The following NOS1AP variants were observed in gnomAD, a reference collection of about 807,000 sequenced individuals.
NOS1AP encodes carboxyl-terminal PDZ ligand of neuronal nitric oxide synthase protein.
In NOS1AP, 21 loss-of-function variants were observed where a neutral mutation model predicts 56.2. The observed-to-expected ratio is 0.37, with a 90% CI of 0.26 to 0.54. The LOEUF is 0.54. Among genes scored for constraint, NOS1AP ranks in the 20% least tolerant of loss-of-function variants. The pLI is 0.84. For synonymous variants in NOS1AP, 270 were observed against 274.6 expected (o/e 0.98, Z 0.17); for missense variants, 522 against 657.8 (o/e 0.79, Z 2.26).
chr1:162,242,840 G>A (rs1557845861), intron 2 of NOS1AP, among the ~76,000 whole-genome samples: 2 of 152,124 alleles, frequency 1.3e-5, no homozygotes, highest in South Asian at 2.1e-4. Flanking sequence ...AAAACCTTCA[G>A]CTATCTCCTA....
rs778383324 is a variant in NOS1AP at position 162,261,511 on chromosome 1, A to AAGAGAAGAGAAGAGAG, written c.178-25833_178-25832insAGAGAAGAGAAGAGAG. On this transcript the variant is annotated intron_variant, in intron 2 of 9. Coordinates refer to ENST00000361897, the MANE Select transcript of NOS1AP (RefSeq NM_014697.3). ...GAGAGAGAGAGAGAGAGAGAGAGAG[A>AAGAGAAGAGAAGAGAG]GAGAGAGAGAGAGAGAGAGAGAGAG... Among the ~76,000 whole-genome samples, 139 of 21,308 alleles carry AAGAGAAGAGAAGAGAG rather than the reference A, an allele frequency of 6.5e-3. 42 individuals carry two copies. Among genetic ancestry groups the AAGAGAAGAGAAGAGAG allele is most frequent in the African/African-American group, 0.019 (135 of 7,090 alleles). The allele number at this position is 21,308 out of a possible 152,430, so 14.0% of individuals were successfully genotyped here. A position where few individuals can be genotyped will look rare whatever the true frequency, so the allele number is the denominator to read the frequency against.
chr1:162,289,777 T>C (rs1655228647), intron 3 of NOS1AP, among the ~76,000 whole-genome samples: 1 of 152,140 alleles, frequency 6.6e-6, no homozygotes, highest in African/African-American at 2.4e-5. Context: ...ACCCAGCCTG[T>C]TGACTTTCGA....
At position 162,370,214 on chromosome 1, in the gene NOS1AP, A is replaced by G. The variant is rs764396815; in HGVS notation, c.*2747A>G. On this transcript the variant is annotated 3_prime_UTR_variant, in exon 10 of 10. Transcript: ENST00000361897. Reference sequence around the variant, plus strand: ...ATTCCTTATATTCCTGCTTATATCAATGCTCTCTCTGTAAAACCTCTTCCT... The same window carrying G: ...ATTCCTTATATTCCTGCTTATATCAGTGCTCTCTCTGTAAAACCTCTTCCT... 8 of 152,158 alleles carry G rather than the reference A, an allele frequency of 5.3e-5. No homozygotes were observed. The highest frequency in any genetic ancestry group is 1.2e-4 in the African/African-American group (5 of 41,414). The allele number at this position is 152,158 out of a possible 1,614,324, so 9.4% of individuals were successfully genotyped here.
chr1:162,184,440 G>A (rs558830789), intron 2 of NOS1AP, among the ~76,000 whole-genome samples: 4 of 152,226 alleles, frequency 2.6e-5, no homozygotes, highest in South Asian at 2.1e-4. Context: ...CAGGGTTGCC[G>A]CAAACCTTTA....
chr1:162,269,829 C>G (rs566142654), intron 2 of NOS1AP, among the ~76,000 whole-genome samples: 1 of 150,410 alleles, frequency 6.6e-6, no homozygotes, highest in South Asian at 2.1e-4. Flanking sequence ...CACTCAGTAG[C>G]CTGATTTCCT....
intron 1 of NOS1AP, among the ~76,000 whole-genome samples, chr1:162,086,493 C>T (rs1429955464): frequency 6.6e-6 from 1 of 152,140 alleles, no homozygotes; most frequent in Non-Finnish European, 1.5e-5. Context: ...CTGTATCTGA[C>T]TTGCTTTTGA....
chr1:162,143,196 CTGG>C (rs1649310558), intron 1 of NOS1AP, among the ~76,000 whole-genome samples: 1 of 152,132 alleles, frequency 6.6e-6, no homozygotes, highest in African/African-American at 2.4e-5. Flanking sequence ...TCTCTGTGGT[CTGG>C]TCACTGGTAA....
At chr1:162,335,568 G>A (rs952404171) in intron 5 of NOS1AP, among the ~76,000 whole-genome samples, 1 of 152,176 alleles carries the variant, frequency 6.6e-6, no homozygotes, top group African/African-American at 2.4e-5. Context: ...CAGAAGTGGT[G>A]GGCGGGGGGA....
intron 2 of NOS1AP, among the ~76,000 whole-genome samples, chr1:162,163,683 G>C (rs1189402973): frequency 2.0e-5 from 3 of 152,040 alleles, no homozygotes; most frequent in Non-Finnish European, 4.4e-5. Flanking sequence ...CACCATTCCT[G>C]GGGGGCAGGA....
chr1:162,164,427 C>T (rs112854795), intron 2 of NOS1AP, among the ~76,000 whole-genome samples: 118 of 152,302 alleles, frequency 7.7e-4, no homozygotes, highest in African/African-American at 2.6e-3. Context: ...ACATTAAATA[C>T]ATTCACAATA....
At chr1:162,252,632 T>C (rs912097791) in intron 2 of NOS1AP, among the ~76,000 whole-genome samples, 1 of 152,148 alleles carries the variant, frequency 6.6e-6, no homozygotes, top group Non-Finnish European at 1.5e-5. Context: ...TTACCTGCCA[T>C]CTTGTGAACT....
At chr1:162,324,354 A>AGT (rs1433827031) in intron 4 of NOS1AP, among the ~76,000 whole-genome samples, 2 of 148,228 alleles carry the variant, frequency 1.3e-5, no homozygotes, top group African/African-American at 5.0e-5. Flanking sequence ...TGTTGGAGAG[A>AGT]AATTAAAGTC....
chr1:162,157,962 C>T (rs1221710973), intron 2 of NOS1AP, among the ~76,000 whole-genome samples: 3 of 152,098 alleles, frequency 2.0e-5, no homozygotes, highest in Admixed American at 2.0e-4. Context: ...CTGTCTTGAG[C>T]GTATTTTGCT....
At chr1:162,094,434 A>T (rs972664457) in intron 1 of NOS1AP, among the ~76,000 whole-genome samples, 1 of 152,058 alleles carries the variant, frequency 6.6e-6, no homozygotes, top group East Asian at 1.9e-4. Flanking sequence ...TGCTTGATTT[A>T]TTCTTCCCCT....
At chr1:162,333,241 A>G in intron 5 of NOS1AP, 116 bp downstream of exon 5, 3 of 729,596 alleles carry the variant, frequency 4.1e-6, no homozygotes, top group Non-Finnish European at 7.4e-6. Context: ...TGGGGCAACT[A>G]TCTCAGTCGT....
intron 3 of NOS1AP, among the ~76,000 whole-genome samples, chr1:162,294,172 GTA>G: frequency 7.5e-6 from 1 of 133,936 alleles, no homozygotes; most frequent in South Asian, 2.8e-4. Flanking sequence ...AGGAAGGCAG[GTA>G]GGAAGGAAGG....
At chr1:162,161,533 C>T (rs936844709) in intron 2 of NOS1AP, among the ~76,000 whole-genome samples, 3 of 152,176 alleles carry the variant, frequency 2.0e-5, no homozygotes, top group African/African-American at 7.2e-5. Flanking sequence ...TGAATGCATG[C>T]AGCATACTGA....
intron 2 of NOS1AP, among the ~76,000 whole-genome samples, chr1:162,279,718 T>G (rs970529518): frequency 6.6e-6 from 1 of 152,204 alleles, no homozygotes; most frequent in Non-Finnish European, 1.5e-5. Context: ...AAAATGGGGT[T>G]TGTGTGCTCA....
chr1:162,231,530 AT>A (rs1300657170), intron 2 of NOS1AP, among the ~76,000 whole-genome samples: 34 of 152,178 alleles, frequency 2.2e-4, no homozygotes, highest in Admixed American at 2.2e-3. Context: ...TTTTAATAAT[AT>A]ATTTTATTTA....
Sources: allele counts gnomAD v4.1 joint callset (sites outside exome capture counted in the v4.1 genomes callset), GRCh38; gene constraint gnomAD v4.1.1; transcripts MANE v1.5; gene names NCBI Gene and HGNC (gene_info 2026-07-23, HGNC 2026-07-21).